The following RAB2A variants were observed in gnomAD, a reference collection of about 807,000 sequenced individuals.
RAB2A encodes the protein RAB2A, member RAS oncogene family, also known as ras-related protein Rab-2A.
In RAB2A, 7 loss-of-function variants were observed where a neutral mutation model predicts 32.5. The observed-to-expected ratio is 0.22, with a 90% confidence interval of 0.12 to 0.40. The LOEUF is 0.40. Among genes scored for constraint, RAB2A ranks in the 10% least tolerant of loss-of-function variants. RAB2A has a pLI of 1.00. For missense variants in RAB2A, 108 were observed against 260.7 expected (o/e 0.41, Z 4.03); for synonymous variants, 79 against 85.2 (o/e 0.93, Z 0.40).
At chr8:60,603,089 T>A (rs1398182479) in intron 6 of RAB2A, among the ~76,000 whole-genome samples, 1 of 152,228 alleles carries the variant, frequency 6.6e-6, no homozygotes, top group Admixed American at 6.5e-5. Context: ...TCAGAGAAGG[T>A]CATCATCCTG....
intron 1 of RAB2A, among the ~76,000 whole-genome samples, chr8:60,532,094 C>T (rs866680187): frequency 2.6e-5 from 4 of 152,062 alleles, no homozygotes; most frequent in East Asian, 1.9e-4. Flanking sequence ...CATGAGCCAC[C>T]GTGCCCAGCC....
chr8:60,594,659 T>C (rs371782787), intron 6 of RAB2A, among the ~76,000 whole-genome samples: 5 of 152,066 alleles, frequency 3.3e-5, no homozygotes, highest in African/African-American at 1.2e-4. Flanking sequence ...CAGGCCCCGG[T>C]GTGTGATGTT....
intron 1 of RAB2A, among the ~76,000 whole-genome samples, chr8:60,534,539 T>TGTTA (rs1807528456): frequency 6.6e-6 from 1 of 152,222 alleles, no homozygotes; most frequent in Non-Finnish European, 1.5e-5. Context: ...TATAACTTAT[T>TGTTA]TGAATAATTG....
intron 1 of RAB2A, among the ~76,000 whole-genome samples, chr8:60,542,376 G>C (rs147355878): frequency 1.3e-5 from 2 of 152,220 alleles, no homozygotes; most frequent in East Asian, 3.9e-4. Flanking sequence ...TTAGCCAGGC[G>C]TGGTGGCATG....
chr8:60,620,580 A>G, intron 7 of RAB2A, 94 bp from the exon 8 acceptor site: 1 of 914,652 alleles, frequency 1.1e-6, no homozygotes, highest in Middle Eastern at 3.2e-4. Flanking sequence ...GTTGTTTGAT[A>G]AAATTGTATC....
rs146162692 is a variant in RAB2A, at chr8:60,526,020, C to CATATATATATATATAT, written c.46+8789_46+8804dup. On this transcript the variant is annotated intron_variant, in intron 1 of 7. Transcript: ENST00000262646. ...CTATATGTATATATGTGTGTGTGTA[C>CATATATATATATATAT]ATATATATATATATATATATATATA... 1.4e-4 allele frequency among the ~76,000 whole-genome samples: 13 copies of CATATATATATATATAT among 92,334 alleles called. 1 individual carries two copies. The highest frequency in any genetic ancestry group is 2.4e-4 in the Admixed American group (2 of 8,174). 60.6% of individuals were successfully genotyped at this position (92,334 alleles called of 152,430 possible).
chr8:60,567,596 T>C (rs1808134950), intron 2 of RAB2A, among the ~76,000 whole-genome samples: 1 of 151,592 alleles, frequency 6.6e-6, no homozygotes, highest in African/African-American at 2.4e-5. Context: ...TGGAGATAAT[T>C]TATGTTTTTA....
intron 3 of RAB2A, among the ~76,000 whole-genome samples, chr8:60,574,683 A>T (rs1016104173): frequency 6.6e-6 from 1 of 152,200 alleles, no homozygotes; most frequent in African/African-American, 2.4e-5. Flanking sequence ...AACTCGTCAT[A>T]CATCATTTTG....
intron 4 of RAB2A, 123 bp downstream of exon 4, chr8:60,584,413 C>T (rs1665380224): frequency 1.3e-6 from 1 of 763,614 alleles, no homozygotes; most frequent in Non-Finnish European, 2.2e-6. Context: ...TTTAAAACTG[C>T]ATCTTGAGTC....
At chr8:60,561,200 T>G (rs1257426840) in intron 2 of RAB2A, among the ~76,000 whole-genome samples, 1 of 152,208 alleles carries the variant, frequency 6.6e-6, no homozygotes, top group Admixed American at 6.5e-5. Flanking sequence ...TTTGGGTTTT[T>G]GGGGGCTTGC....
intron 2 of RAB2A, among the ~76,000 whole-genome samples, chr8:60,564,116 G>A (rs1199251666): frequency 6.6e-6 from 1 of 152,072 alleles, no homozygotes; most frequent in African/African-American, 2.4e-5. Context: ...GTTTCCTGTA[G>A]AACGATATCA....
At chr8:60,575,683 G>GT (rs1168023869) in intron 3 of RAB2A, among the ~76,000 whole-genome samples, 1 of 101,984 alleles carries the variant, frequency 9.8e-6, no homozygotes, top group Non-Finnish European at 1.8e-5. Flanking sequence ...TTGAGACGGT[G>GT]TTTCACTCTT....
At chr8:60,613,358 C>T (rs369475101) in intron 6 of RAB2A, among the ~76,000 whole-genome samples, 4 of 152,258 alleles carry the variant, frequency 2.6e-5, no homozygotes, top group South Asian at 4.1e-4. Context: ...ATGTCAAGCA[C>T]GGTTTTCAGT....
At chr8:60,591,816 C>A in intron 5 of RAB2A, 42 bp from the exon 6 acceptor site, 2 of 1,263,626 alleles carry the variant, frequency 1.6e-6, no homozygotes, top group Non-Finnish European at 2.3e-6. Context: ...TCTGTTTGTA[C>A]CATGTTGATT....
At chr8:60,576,990 T>TA (rs1803643444) in intron 3 of RAB2A, among the ~76,000 whole-genome samples, 1 of 152,210 alleles carries the variant, frequency 6.6e-6, no homozygotes, top group Non-Finnish European at 1.5e-5. Flanking sequence ...CCAGTTTTTC[T>TA]TACGTGGCAG....
chr8:60,523,446 C>T (rs1807331708), intron 1 of RAB2A, among the ~76,000 whole-genome samples: 1 of 152,010 alleles, frequency 6.6e-6, no homozygotes, highest in Non-Finnish European at 1.5e-5. Context: ...CATGAGCCAC[C>T]ACGCCCGGCC....
At chr8:60,558,634 A>G (rs1807973739) in intron 1 of RAB2A, 1 of 578,938 alleles carries the variant, frequency 1.7e-6, no homozygotes, top group African/African-American at 1.9e-5. Flanking sequence ...GAAATATTAA[A>G]TGTGTAAGAA....
chr8:60,570,166 G>A (rs1189647435), intron 2 of RAB2A: 1 of 380,434 alleles, frequency 2.6e-6, no homozygotes, highest in African/African-American at 2.1e-5. Flanking sequence ...CTTGGTATCA[G>A]CAGCATTGAT....
intron 7 of RAB2A, 55 bp downstream of exon 7, chr8:60,618,703 A>G: frequency 1.5e-6 from 1 of 664,686 alleles, no homozygotes. Flanking sequence ...ACTTTTGATT[A>G]CTATTTTATA....
Sources: gnomAD v4.1 joint callset for allele counts (sites outside exome capture counted in the v4.1 genomes callset) on GRCh38, gnomAD v4.1.1 for gene constraint, MANE v1.5 for transcripts, NCBI Gene and HGNC (gene_info 2026-07-23, HGNC 2026-07-21) for gene names.